Variants in PCF11 observed in about 807,000 individuals in gnomAD.
The protein encoded by PCF11 is pre-mRNA cleavage complex 2 protein Pcf11.
PCF11 carries 19 observed loss-of-function variants against 166.1 expected under a neutral mutation model. The ratio of observed to expected loss-of-function variants is 0.11; its 90% CI spans 0.08 to 0.17. PCF11 has a LOEUF of 0.17. PCF11 is among the 10% of genes least tolerant of loss of function. The probability of loss-of-function intolerance (pLI) is 1.00; values close to 1 mark genes in which losing one functional copy is unlikely to be tolerated. For synonymous variants in PCF11, 663 were observed against 644.1 expected (o/e 1.03, Z -0.44); for missense variants, 1,565 against 1,855.5 (o/e 0.84, Z 2.88).
rs182706279 is a variant in PCF11, at chr11:83,167,661, C to T, written c.2092+156C>T. 2 of 1,526,984 alleles carry T rather than the reference C, an allele frequency of 1.3e-6. No individual in the cohort carries two copies. Among genetic ancestry groups the T allele is most frequent in the East Asian group, 5.0e-5 (2 of 40,208 alleles). 94.6% of individuals were successfully genotyped at this position (1,526,984 alleles called of 1,614,324 possible). The stretch of plus-strand genomic sequence containing the variant: ...TCAGCATTCATTTCCAAGACTTGAT[C>T]TCTTAGATCCTGATATTTTTGACTA... On this transcript the variant is annotated intron_variant, in intron 7 of 15. Coordinates refer to ENST00000298281, the Ensembl canonical transcript of PCF11. This position sits in a 1 kb window ranked among gnomAD's most constrained non-coding sequence, Gnocchi z 4.2.
intron 9 of PCF11, among the ~76,000 whole-genome samples, chr11:83,175,396 GT>G (rs1860840295): frequency 6.6e-6 from 1 of 152,018 alleles, no homozygotes; most frequent in South Asian, 2.1e-4. Context: ...CCCTCCCAAA[GT>G]GCTGGGATTA....
rs561275036 is a variant in PCF11, at chr11:83,172,134, A to G, written c.3757+220A>G. The stretch of plus-strand genomic sequence containing the variant: ...TTACAGCTAGAGATGGTTAGCGGGG[A>G]CTTGTAGTCCACTAAACAAAGGGAA... On this transcript the variant is annotated intron_variant, in intron 9 of 15. Coordinates refer to ENST00000298281, the Ensembl canonical transcript of PCF11. 2.4e-4 allele frequency among the ~76,000 whole-genome samples: 37 copies of G among 152,206 alleles called. 1 individual carries two copies. Among genetic ancestry groups the G allele is most frequent in the Middle Eastern group, 3.4e-3 (1 of 294 alleles).
chr11:83,185,167 G>A (rs1057374229), exon 16 of PCF11: 1 of 274,308 alleles, frequency 3.6e-6, no homozygotes, highest in Non-Finnish European at 6.7e-6. Flanking sequence ...TTTTCACTGT[G>A]CAACTGTAAA....
At position 83,167,926 on chromosome 11, in the gene PCF11, T is replaced by A; in HGVS notation, c.2092+421T>A. ...AGAAAAAGTTAAATCAGATTATGCC[T>A]ATTGAATCACACAGCAGTGAAGGGA... On this transcript the variant is annotated intron_variant, in intron 7 of 15. Transcript: ENST00000298281. This position sits in a 1 kb window ranked among gnomAD's most constrained non-coding sequence, Gnocchi z 4.2. 1.6e-6 allele frequency: 2 copies of A among 1,276,562 alleles called. No homozygotes were observed. Among genetic ancestry groups the A allele is most frequent in the Non-Finnish European group, 2.0e-6 (2 of 983,514 alleles). 79.1% of individuals were successfully genotyped at this position (1,276,562 alleles called of 1,614,324 possible). A position where few individuals can be genotyped will look rare whatever the true frequency, so the allele number is the denominator to read the frequency against.
At chr11:83,159,252 G>A (rs530520411) in intron 1 of PCF11, among the ~76,000 whole-genome samples, 1 of 152,084 alleles carries the variant, frequency 6.6e-6, no homozygotes, top group South Asian at 2.1e-4. Context: ...TACTCAACAT[G>A]CTTTTTATTG....
At chr11:83,172,008 C>G in intron 9 of PCF11, 94 bp downstream of exon 9, 5 of 699,068 alleles carry the variant, frequency 7.2e-6, no homozygotes, top group Non-Finnish European at 5.1e-6. Flanking sequence ...GACAGTTTTG[C>G]AAAGGTATAT....
chr11:83,167,064 A>G lies in PCF11; in HGVS notation c.1818-61A>G. 2 of 1,291,874 alleles carry G rather than the reference A, an allele frequency of 1.5e-6. No individual in the cohort carries two copies. The highest frequency in any genetic ancestry group is 2.2e-6 in the Non-Finnish European group (2 of 919,990). The allele number at this position is 1,291,874 out of a possible 1,614,324, so 80.0% of individuals were successfully genotyped here. A position where few individuals can be genotyped will look rare whatever the true frequency, so the allele number is the denominator to read the frequency against. ...TATCCTTTGAAAAGAATCTTTAAAT[A>G]TGGTCCTGAGTATTTTTTAAAAAAA... On this transcript the variant is annotated intron_variant, in intron 5 of 15. Coordinates refer to ENST00000298281, the Ensembl canonical transcript of PCF11. The surrounding 1 kb of genome is among the most constrained non-coding windows in gnomAD (Gnocchi z 4.2).
intron 9 of PCF11, among the ~76,000 whole-genome samples, chr11:83,176,860 G>GA (rs1346548140): frequency 6.6e-6 from 1 of 151,862 alleles, no homozygotes; most frequent in Non-Finnish European, 1.5e-5. Flanking sequence ...AAAAAAGAAG[G>GA]AAAAAAGAAT....
Position 83,157,176 on chromosome 11 carries a change from C to A in PCF11, c.-264C>A, listed in dbSNP as rs1391641141. The A allele has an allele frequency of 5.2e-6, 3 of 575,368 alleles. No homozygotes were observed. In the South Asian group the frequency reaches 6.7e-5, roughly 13 times the overall value. The allele number at this position is 575,368 out of a possible 1,614,324, so 35.6% of individuals were successfully genotyped here. ...ACACAGACATTTTCGGAGCTGGAGCCGCCACTGCCGCCGCCATTTTGTGTC... is the reference window on the plus strand; with the variant it reads ...ACACAGACATTTTCGGAGCTGGAGCAGCCACTGCCGCCGCCATTTTGTGTC... On this transcript the variant is annotated 5_prime_UTR_variant, in exon 1 of 16. Transcript: ENST00000298281.
chr11:83,159,693 G>A (rs1860153365), intron 1 of PCF11, among the ~76,000 whole-genome samples: 1 of 152,162 alleles, frequency 6.6e-6, no homozygotes, highest in Non-Finnish European at 1.5e-5. Context: ...ATCTGGGTTG[G>A]GATCGAGGGT....
chr11:83,185,453 T>TAA (rs1443148459), exon 16 of PCF11: 3 of 152,174 alleles, frequency 2.0e-5, no homozygotes, highest in Admixed American at 2.0e-4. Context: ...TGCAGATATA[T>TAA]ATATATATAT....
intron 7 of PCF11, 33 bp from the exon 8 acceptor site, chr11:83,168,395 T>C: frequency 1.3e-6 from 2 of 1,520,138 alleles, no homozygotes; most frequent in South Asian, 1.3e-5. Flanking sequence ...TTAAGATAAC[T>C]TTAGTGAAAA....
At chr11:83,171,865 G>A (rs758191148) in exon 9 of PCF11, 2 of 1,605,770 alleles carry the variant, frequency 1.2e-6, no homozygotes, top group Admixed American at 3.3e-5. Context: ...AAGGACAACA[G>A]TTTTTACCAG....
At chr11:83,164,120 A>G in intron 3 of PCF11, 87 bp from the exon 4 acceptor site, 3 of 857,282 alleles carry the variant, frequency 3.5e-6, no homozygotes, top group Non-Finnish European at 5.3e-6. Flanking sequence ...AATTTGGATC[A>G]TATTAAGAGT....
At position 83,164,421 on chromosome 11, in the gene PCF11, A is replaced by G. The variant is rs183280589; in HGVS notation, c.702+20A>G. On this transcript the variant is annotated intron_variant, in intron 4 of 15. Coordinates refer to ENST00000298281, the Ensembl canonical transcript of PCF11. ...CAGTTGGTAAGTAAGGGAGATTGTC[A>G]TTTTAAATATTTTAAACCTGTCTAA... 148 of 1,545,742 alleles carry G rather than the reference A, an allele frequency of 9.6e-5. No individual in the cohort carries two copies. The highest frequency in any genetic ancestry group is 1.1e-4 in the Non-Finnish European group (125 of 1,132,122).
intron 2 of PCF11, among the ~76,000 whole-genome samples, chr11:83,162,333 C>T (rs948247883): frequency 2.6e-5 from 4 of 152,128 alleles, no homozygotes; most frequent in Admixed American, 2.6e-4. Flanking sequence ...TTTGGAAGAA[C>T]TATTCAGTAT....
At chr11:83,166,202 G>A (rs1335733281) in exon 5 of PCF11, 1 of 1,612,518 alleles carries the variant, frequency 6.2e-7, no homozygotes, top group African/African-American at 1.3e-5. Flanking sequence ...ATGAGCACAT[G>A]AAGTCATCCG....
chr11:83,184,506 A>G (rs1205230588), intron 15 of PCF11, 173 bp from the exon 16 acceptor site: 3 of 596,876 alleles, frequency 5.0e-6, no homozygotes, highest in Admixed American at 3.4e-5. Context: ...CGTGCAATAT[A>G]TATTTTATTT....
chr11:83,182,360 T>C (rs1242251945), intron 13 of PCF11, 39 bp from the exon 14 acceptor site: 2 of 1,018,960 alleles, frequency 2.0e-6, no homozygotes, highest in African/African-American at 1.6e-5. Flanking sequence ...TTAAATATGG[T>C]CTATTATGTA....
Sources: allele counts gnomAD v4.1 joint callset (sites outside exome capture counted in the v4.1 genomes callset), GRCh38; gene constraint gnomAD v4.1.1; non-coding constraint Gnocchi (gnomAD v3.1); transcripts MANE v1.5; gene names NCBI Gene and HGNC (gene_info 2026-07-23, HGNC 2026-07-21).